YTHDC2: variants seen among roughly 807,000 people sequenced by gnomAD.
YTHDC2 encodes 3'-5' RNA helicase YTHDC2.
A neutral mutation model predicts 174.9 loss-of-function variants in YTHDC2; 45 were observed. That is an observed-to-expected ratio of 0.26 (90% CI 0.20 to 0.33). YTHDC2 has a LOEUF of 0.33. Ranked by LOEUF, YTHDC2 falls within the 10% of genes least tolerant of loss-of-function variation. The probability of loss-of-function intolerance (pLI) is 1.00; values close to 1 mark genes in which losing one functional copy is unlikely to be tolerated. For synonymous variants in YTHDC2, 657 were observed against 574.5 expected (o/e 1.14, Z -2.05); for missense variants, 1,650 against 1,723.7 (o/e 0.96, Z 0.76).
intron 23 of YTHDC2, among the ~76,000 whole-genome samples, chr5:113,572,922 T>C (rs567354956): frequency 5.6e-4 from 86 of 152,364 alleles, no homozygotes; most frequent in Admixed American, 5.2e-4. Flanking sequence ...TTTGCCATTC[T>C]GTGCCTTTCA....
At chr5:113,558,623 G>A (rs1053290143) in intron 17 of YTHDC2, among the ~76,000 whole-genome samples, 1 of 152,068 alleles carries the variant, frequency 6.6e-6, no homozygotes, top group African/African-American at 2.4e-5. Flanking sequence ...TCACTGGAGA[G>A]AATAATTAAT....
At chr5:113,561,959 T>TGG (rs1189636814) in intron 18 of YTHDC2, among the ~76,000 whole-genome samples, 5 of 71,486 alleles carry the variant, frequency 7.0e-5, no homozygotes, top group African/African-American at 2.1e-4. Context: ...TAATTGTGGG[T>TGG]GTGTGTGTGT....
intron 17 of YTHDC2, chr5:113,556,364 A>T (rs115738497): frequency 2.1e-4 from 65 of 309,218 alleles, no homozygotes; most frequent in Non-Finnish European, 3.2e-4. Flanking sequence ...CAGATGTAAG[A>T]AGCTTAAAAA....
chr5:113,527,182 G>A (rs1301007257), intron 4 of YTHDC2, among the ~76,000 whole-genome samples: 2 of 152,008 alleles, frequency 1.3e-5, no homozygotes, highest in Non-Finnish European at 2.9e-5. Context: ...TATAAAATGG[G>A]ACTAATCATT....
intron 23 of YTHDC2, among the ~76,000 whole-genome samples, chr5:113,574,914 T>TGGGA (rs1327236208): frequency 6.6e-6 from 1 of 152,200 alleles, no homozygotes; most frequent in African/African-American, 2.4e-5. Flanking sequence ...CAAAGATCCA[T>TGGGA]GGGAGAAATG....
At chr5:113,570,183 G>A (rs749667198) in intron 23 of YTHDC2, among the ~76,000 whole-genome samples, 18 of 151,922 alleles carry the variant, frequency 1.2e-4, no homozygotes, top group South Asian at 4.2e-4. Flanking sequence ...TGTAACCTCC[G>A]CCTCCTGGGT....
intron 23 of YTHDC2, among the ~76,000 whole-genome samples, chr5:113,572,559 G>A (rs1777798199): frequency 6.6e-6 from 1 of 152,188 alleles, no homozygotes; most frequent in Non-Finnish European, 1.5e-5. Context: ...AATGTTGTCT[G>A]TGGGGTGTTA....
chr5:113,554,670 A>G (rs1432530382), intron 16 of YTHDC2, among the ~76,000 whole-genome samples: 2 of 152,012 alleles, frequency 1.3e-5, no homozygotes, highest in Admixed American at 6.6e-5. Flanking sequence ...GAGTATTTGT[A>G]ACAGAGACCC....
intron 9 of YTHDC2, 71 bp downstream of exon 9, chr5:113,541,187 T>A: frequency 3.3e-6 from 5 of 1,534,574 alleles, no homozygotes; most frequent in Non-Finnish European, 4.4e-6. Flanking sequence ...TTTTATGAGC[T>A]TATAATTTTT....
rs1288423222 is a variant in YTHDC2, at chr5:113,548,529, T to C, written c.1496-12T>C. ...GGAAATTTAAGTTTTATTTATCTTT[T>C]CCTTTTTTTAGTTGATTACAGACAT... On this transcript the variant is annotated splice_polypyrimidine_tract_variant and intron_variant, in intron 10 of 29. Transcript: ENST00000161863. The C allele has an allele frequency of 6.4e-7, 1 of 1,573,808 alleles. No individual in the cohort carries two copies. Among genetic ancestry groups the C allele is most frequent in the East Asian group, 2.2e-5 (1 of 44,492 alleles).
chr5:113,553,640 G>A lies in YTHDC2; in HGVS notation c.1918G>A (p.Asp640Asn). The A allele has an allele frequency of 1.2e-6, 2 of 1,613,546 alleles. No homozygotes were observed. Among genetic ancestry groups the A allele is most frequent in the South Asian group, 1.1e-5 (1 of 91,060 alleles). The stretch of plus-strand genomic sequence containing the variant: ...ATATGACGAAATTGTTGGACTGAGA[G>A]ATCGCATCCTGTTTGATGACAAGCG... Reference protein sequence around the residue: ...PGYDEIVGLRDRILFDDKRFA... With the variant: ...PGYDEIVGLRNRILFDDKRFA... Residue 640 changes from aspartate (D) to asparagine (N), a missense_variant, in exon 14 of 30, where the codon GAT becomes AAT. Asp to Asn is a conservative substitution (Grantham distance 23, BLOSUM62 1). Transcript: ENST00000161863.
chr5:113,526,875 A>G (rs1580488814), intron 4 of YTHDC2, 90 bp downstream of exon 4: 1 of 315,474 alleles, frequency 3.2e-6, no homozygotes, highest in Admixed American at 5.5e-5. Context: ...TTTATATCAA[A>G]TTTACACTGC....
At chr5:113,579,266 T>G (rs968813486) in intron 23 of YTHDC2, among the ~76,000 whole-genome samples, 2 of 152,196 alleles carry the variant, frequency 1.3e-5, no homozygotes, top group Non-Finnish European at 2.9e-5. Context: ...TGATATGTAG[T>G]ATAGTCATTC....
chr5:113,548,870 G>A (rs1776061718), intron 11 of YTHDC2, 85 bp from the exon 12 acceptor site: 1 of 1,322,084 alleles, frequency 7.6e-7, no homozygotes, highest in Non-Finnish European at 1.0e-6. Context: ...TTTTTGAAAA[G>A]ACAGGGTCTT....
At chr5:113,588,874 C>T (rs1438911631) in intron 26 of YTHDC2, among the ~76,000 whole-genome samples, 1 of 152,048 alleles carries the variant, frequency 6.6e-6, no homozygotes, top group African/African-American at 2.4e-5. Context: ...ATCTGCTCAC[C>T]TCTGCCTCCC....
chr5:113,573,545 A>G (rs1178071392), intron 23 of YTHDC2, among the ~76,000 whole-genome samples: 1 of 152,072 alleles, frequency 6.6e-6, no homozygotes, highest in Non-Finnish European at 1.5e-5. Context: ...GTTCTGGATG[A>G]TATCCTGAAG....
At chr5:113,534,870 A>T (rs1774949117) in intron 6 of YTHDC2, among the ~76,000 whole-genome samples, 1 of 152,150 alleles carries the variant, frequency 6.6e-6, no homozygotes, top group Admixed American at 6.5e-5. Flanking sequence ...TGATGAGTTT[A>T]CCCCTTTGTT....
At chr5:113,524,864 C>T in intron 2 of YTHDC2, 117 bp from the exon 3 acceptor site, 1 of 784,224 alleles carries the variant, frequency 1.3e-6, no homozygotes, top group Non-Finnish European at 1.9e-6. Flanking sequence ...CATCTTCTCC[C>T]AAAGCATTTT....
At chr5:113,567,070 G>A in intron 21 of YTHDC2, 22 bp from the exon 22 acceptor site, 1 of 1,600,090 alleles carries the variant, frequency 6.2e-7, no homozygotes, top group East Asian at 2.2e-5. Context: ...AGAAAAATTG[G>A]TGTGGTTTTT....
Sources: gnomAD v4.1 joint callset for allele counts (sites outside exome capture counted in the v4.1 genomes callset) on GRCh38, gnomAD v4.1.1 for gene constraint, MANE v1.5 for transcripts, NCBI Gene and HGNC (gene_info 2026-07-23, HGNC 2026-07-21) for gene names.